Variants in DGKG observed in about 807,000 individuals in gnomAD.
DGKG encodes DAG kinase gamma.
DGKG carries 78 observed loss-of-function variants against 105.3 expected under a neutral mutation model. That is an observed-to-expected ratio of 0.74 (90% CI 0.62 to 0.89). The LOEUF is 0.89. Ranked by LOEUF, DGKG falls within the 40% of genes least tolerant of loss-of-function variation. The pLI is 0.00. For synonymous variants in DGKG, 346 were observed against 367.1 expected, an observed-to-expected ratio of 0.94 and a Z score of 0.66; for missense variants, 958 against 1,020.1, an observed-to-expected ratio of 0.94 and a Z score of 0.83.
chr3:186,154,664 G>A (rs148532574), intron 24 of DGKG, among the ~76,000 whole-genome samples: 116 of 136,934 alleles, frequency 8.5e-4, no homozygotes, highest in Middle Eastern at 7.5e-3. Flanking sequence ...AAAAAAAAAA[G>A]AAAAGAAAAA....
chr3:186,323,410 C>A (rs928520843), intron 1 of DGKG, among the ~76,000 whole-genome samples: 2 of 152,184 alleles, frequency 1.3e-5, no homozygotes, highest in African/African-American at 4.8e-5. Context: ...TTCAATATTG[C>A]TGTCCCTGTT....
intron 21 of DGKG, among the ~76,000 whole-genome samples, chr3:186,190,709 T>C (rs12494992): frequency 0.47 from 71,572 of 152,062 alleles, 20,291 homozygotes; most frequent in East Asian, 0.74. Flanking sequence ...TTTATGTTAA[T>C]TAATTTCATC....
chr3:186,176,953 T>C (rs965349646), intron 22 of DGKG, among the ~76,000 whole-genome samples: 2 of 152,162 alleles, frequency 1.3e-5, no homozygotes, highest in African/African-American at 4.8e-5. Flanking sequence ...GCTGAGCTTG[T>C]TGGGAGAAGG....
intron 21 of DGKG, among the ~76,000 whole-genome samples, chr3:186,196,989 C>T (rs920409926): frequency 3.3e-5 from 5 of 152,084 alleles, no homozygotes; most frequent in African/African-American, 9.7e-5. Flanking sequence ...AGAGAAGATA[C>T]TCAATACATC....
chr3:186,207,078 A>T (rs1313643738), intron 21 of DGKG, among the ~76,000 whole-genome samples: 2 of 152,034 alleles, frequency 1.3e-5, no homozygotes, highest in East Asian at 3.9e-4. Flanking sequence ...TAGGGCCCAC[A>T]ATGATTTATG....
At chr3:186,220,804 G>C (rs1396477430) in intron 20 of DGKG, among the ~76,000 whole-genome samples, 1 of 152,048 alleles carries the variant, frequency 6.6e-6, no homozygotes, top group Non-Finnish European at 1.5e-5. Flanking sequence ...GGTAATTCTG[G>C]GCCCCTAAGA....
At chr3:186,305,385 A>T (rs1392080232) in intron 3 of DGKG, among the ~76,000 whole-genome samples, 1 of 152,234 alleles carries the variant, frequency 6.6e-6, no homozygotes, top group Non-Finnish European at 1.5e-5. Flanking sequence ...GGTTACGGTG[A>T]CACTGGCTTA....
chr3:186,261,304 G>A (rs1485220233), intron 15 of DGKG, among the ~76,000 whole-genome samples: 1 of 152,162 alleles, frequency 6.6e-6, no homozygotes, highest in Admixed American at 6.5e-5. Context: ...GGATGCACTG[G>A]CTTCTCACGG....
At chr3:186,191,869 T>G (rs1232949061) in intron 21 of DGKG, among the ~76,000 whole-genome samples, 1 of 152,208 alleles carries the variant, frequency 6.6e-6, no homozygotes, top group African/African-American at 2.4e-5. Context: ...AACTGACTCC[T>G]TTTTCTTTTC....
At chr3:186,222,409 C>T (rs960082508) in intron 20 of DGKG, among the ~76,000 whole-genome samples, 7 of 152,154 alleles carry the variant, frequency 4.6e-5, no homozygotes, top group African/African-American at 1.7e-4. Context: ...GGCAGAAAGG[C>T]CTGGGTTCAA....
rs145744681 is a variant in DGKG at position 186,231,634 on chromosome 3, C to G, written c.1826+10870G>C. 5.9e-5 allele frequency among the ~76,000 whole-genome samples: 9 copies of G among 152,196 alleles called. No homozygotes were observed. The highest frequency in any genetic ancestry group is 8.8e-5 in the Non-Finnish European group (6 of 68,002). On this transcript the variant is annotated intron_variant, in intron 20 of 24. Transcript: ENST00000265022. This position sits in a 1 kb window ranked among gnomAD's most constrained non-coding sequence, Gnocchi z 4.5. The stretch of plus-strand genomic sequence containing the variant: ...GGTTATTCATGCTTTAAAAACTATA[C>G]TAGGCCAGGTGTGGTCACTCACGCC...
chr3:186,331,868 A>G (rs1237529634), intron 1 of DGKG, among the ~76,000 whole-genome samples: 1 of 152,234 alleles, frequency 6.6e-6, no homozygotes, highest in East Asian at 1.9e-4. Context: ...TGCGCTTTGC[A>G]AACTTCATCT....
At position 186,307,941 on chromosome 3, in the gene DGKG, A is replaced by T. The variant is rs140182968; in HGVS notation, c.68-964T>A. 1.4e-3 allele frequency among the ~76,000 whole-genome samples: 211 copies of T among 147,984 alleles called. 2 individuals carry two copies. The highest frequency in any genetic ancestry group is 4.4e-3 in the African/African-American group (176 of 40,006). ...CTTGATGGATAAAATTGAGCTACTC[A>T]TTCTGACACATAAAACATAACCTCA... On this transcript the variant is annotated intron_variant, in intron 2 of 24. Transcript: ENST00000265022.
intron 3 of DGKG, among the ~76,000 whole-genome samples, chr3:186,304,557 C>G (rs1322533731): frequency 2.6e-5 from 4 of 152,156 alleles, no homozygotes; most frequent in African/African-American, 4.8e-5. Context: ...TCCTGCAGAT[C>G]AGTCACTTTT....
intron 20 of DGKG, 69 bp from the exon 21 acceptor site, chr3:186,211,954 C>T (rs1262163787): frequency 7.6e-7 from 1 of 1,311,552 alleles, no homozygotes; most frequent in Non-Finnish European, 1.1e-6. Context: ...TAGCTATGTT[C>T]TTTGGATTGG....
intron 21 of DGKG, among the ~76,000 whole-genome samples, chr3:186,195,395 G>A (rs1718132065): frequency 6.6e-6 from 1 of 152,104 alleles, no homozygotes; most frequent in Non-Finnish European, 1.5e-5. Flanking sequence ...TTCCTTGATA[G>A]TATCATTTTT....
At chr3:186,317,032 G>A (rs1724851084) in intron 2 of DGKG, among the ~76,000 whole-genome samples, 1 of 152,194 alleles carries the variant, frequency 6.6e-6, no homozygotes, top group African/African-American at 2.4e-5. Context: ...TGGACAACAC[G>A]AGCAAGGGTC....
At chr3:186,229,687 C>T (rs1402390601) in intron 20 of DGKG, among the ~76,000 whole-genome samples, 3 of 152,200 alleles carry the variant, frequency 2.0e-5, no homozygotes, top group Non-Finnish European at 4.4e-5. Flanking sequence ...GTTATACCCA[C>T]GAACTCCTGA....
intron 19 of DGKG, among the ~76,000 whole-genome samples, chr3:186,243,151 T>C (rs553628546): frequency 4.6e-5 from 7 of 151,726 alleles, no homozygotes; most frequent in Non-Finnish European, 1.0e-4. Flanking sequence ...ATATTAAGTC[T>C]TAACCATCCA....
Sources: gnomAD v4.1 joint callset for allele counts (sites outside exome capture counted in the v4.1 genomes callset) on GRCh38, gnomAD v4.1.1 for gene constraint, Gnocchi (gnomAD v3.1) non-coding constraint, MANE v1.5 for transcripts, NCBI Gene and HGNC (gene_info 2026-07-23, HGNC 2026-07-21) for gene names.